ELFN1: variants seen among roughly 807,000 people sequenced by gnomAD.
ELFN1 encodes the protein extracellular leucine rich repeat and fibronectin type III domain containing 1.
Under a neutral mutation model 7.6 loss-of-function variants are expected in ELFN1, and 6 were observed. The observed-to-expected ratio is 0.79, with a 90% CI of 0.43 to 1.56. The LOEUF (loss-of-function observed/expected upper bound fraction) is 1.56, where lower values mean the gene tolerates loss of function less well. ELFN1 is among the 40% of genes most tolerant of loss of function. ELFN1 has a pLI of 0.01. For synonymous variants in ELFN1, 657 were observed against 588.1 expected (o/e 1.12, Z -1.70); for missense variants, 1,169 against 1,232.2 (o/e 0.95, Z 0.77).
chr7:1,684,004 G>C (rs549224525), intron 1 of ELFN1, among the ~76,000 whole-genome samples: 1 of 152,056 alleles, frequency 6.6e-6, no homozygotes, highest in Non-Finnish European at 1.5e-5. Context: ...TTTTAAATTA[G>C]CTGGGCATGG....
chr7:1,697,861 G>T (rs7780984), intron 2 of ELFN1, among the ~76,000 whole-genome samples: 25,859 of 152,084 alleles, frequency 0.17, 2,840 homozygotes, highest in African/African-American at 0.32. Context: ...CATGGCTCAC[G>T]GCAGCCTTGA....
chr7:1,686,878 A>C (rs901224651), intron 1 of ELFN1, among the ~76,000 whole-genome samples: 3 of 152,000 alleles, frequency 2.0e-5, no homozygotes, highest in African/African-American at 4.8e-5. Flanking sequence ...TCTCTGTCAG[A>C]TTCCCAGCTA....
intron 3 of ELFN1, among the ~76,000 whole-genome samples, chr7:1,710,322 C>T (rs554710894): frequency 6.6e-6 from 1 of 152,194 alleles, no homozygotes; most frequent in Non-Finnish European, 1.5e-5. Context: ...TTTTTCTGCT[C>T]GTGGTCAGAT....
chr7:1,721,604 A>T (rs998192097), intron 3 of ELFN1, among the ~76,000 whole-genome samples: 1 of 152,220 alleles, frequency 6.6e-6, no homozygotes, highest in Non-Finnish European at 1.5e-5. Flanking sequence ...CACCATTTGC[A>T]TGCAGGGCAT....
intron 2 of ELFN1, among the ~76,000 whole-genome samples, chr7:1,697,933 G>C (rs1779352617): frequency 6.6e-6 from 1 of 152,232 alleles, no homozygotes. Flanking sequence ...AGGAGAGACA[G>C]ACAGGGCAGT....
At chr7:1,681,171 A>G (rs1778968760) in intron 1 of ELFN1, among the ~76,000 whole-genome samples, 1 of 152,228 alleles carries the variant, frequency 6.6e-6, no homozygotes, top group South Asian at 2.1e-4. Flanking sequence ...AGACTGTGTC[A>G]GTAGTTGTTG....
At chr7:1,666,597 T>G (rs1019278917), upstream of ELFN1, among the ~76,000 whole-genome samples, 9 of 150,490 alleles carry the variant, frequency 6.0e-5, no homozygotes, top group African/African-American at 2.2e-4. The surrounding 1 kb of genome is among the most constrained non-coding windows in gnomAD (Gnocchi z 7.9). Flanking sequence ...CCCGAAACTT[T>G]CCGGAGCGCG....
intron 1 of ELFN1, among the ~76,000 whole-genome samples, chr7:1,686,896 G>C (rs2128578581): frequency 6.6e-6 from 1 of 152,022 alleles, no homozygotes; most frequent in East Asian, 1.9e-4. Flanking sequence ...CTAGTCTACT[G>C]GTGTATTGCT....
chr7:1,668,583 AGGAAGCTCTGGG>A (rs1270749951), upstream of ELFN1, among the ~76,000 whole-genome samples: 3 of 152,226 alleles, frequency 2.0e-5, no homozygotes. Context: ...AGCGTGACCA[AGGAAGCTCTGGG>A]GGCCGACCAG....
chr7:1,672,935 G>A (rs891428277), intron 1 of ELFN1, among the ~76,000 whole-genome samples: 16 of 152,126 alleles, frequency 1.1e-4, no homozygotes, highest in Non-Finnish European at 2.2e-4. Context: ...GTGGCGGGGC[G>A]GGGGGCAGGA....
chr7:1,690,290 G>A (rs1225940770), intron 2 of ELFN1, among the ~76,000 whole-genome samples: 2 of 151,354 alleles, frequency 1.3e-5, no homozygotes, highest in African/African-American at 2.4e-5. Flanking sequence ...TGGATAGGTG[G>A]ATGGGTGGAT....
rs147267695 is a variant in ELFN1 at position 1,695,786 on chromosome 7, G to T, written c.-456+7636G>T. Among the ~76,000 whole-genome samples, 635 of 149,532 alleles carry T rather than the reference G, an allele frequency of 4.2e-3. 9 individuals are homozygous for T. The highest frequency in any genetic ancestry group is 0.014 in the African/African-American group (589 of 40,706). ...AAAAAAAAAAAACCGTGCTGGTTTG[G>T]TTTCACTGACTCCCATTCATTTATT... On this transcript the variant is annotated intron_variant, in intron 2 of 3. Coordinates refer to ENST00000424383, the MANE Select transcript of ELFN1 (RefSeq NM_001128636.4). This position sits in a 1 kb window ranked among gnomAD's most constrained non-coding sequence, Gnocchi z 5.1.
intron 3 of ELFN1, among the ~76,000 whole-genome samples, chr7:1,711,580 G>T (rs1779654521): frequency 1.8e-4 from 3 of 17,136 alleles, no homozygotes; most frequent in Admixed American, 1.8e-3. Flanking sequence ...GAGAGTGAGA[G>T]AGAGAGAGAG....
chr7:1,701,664 C>T (rs1442031067), intron 2 of ELFN1, among the ~76,000 whole-genome samples: 1 of 151,974 alleles, frequency 6.6e-6, no homozygotes, highest in African/African-American at 2.4e-5. Flanking sequence ...TAATGGAGCA[C>T]AGATGTGCAT....
chr7:1,747,042 C>T lies in ELFN1; in HGVS notation c.2446C>T (p.Leu816=). The T allele has an allele frequency of 6.5e-7, 1 of 1,540,500 alleles. No homozygotes were observed. Among genetic ancestry groups the T allele is most frequent in the South Asian group, 1.2e-5 (1 of 81,870 alleles). ...CAAAGACGAGGATCTGCACGACATCCTGGACTACTGGAAGGGCGTGTCGGC... is the reference window on the plus strand; with the variant it reads ...CAAAGACGAGGATCTGCACGACATCTTGGACTACTGGAAGGGCGTGTCGGC... ...FAKDEDLHDI[L]DYWKGVSAQH... The change falls in exon 4 of 4, where the codon CTG becomes TTG. Residue 816 remains leucine, a synonymous_variant. Transcript: ENST00000424383.
At chr7:1,729,484 C>T (rs1415830529) in intron 3 of ELFN1, among the ~76,000 whole-genome samples, 4 of 152,228 alleles carry the variant, frequency 2.6e-5, no homozygotes, top group Non-Finnish European at 5.9e-5. Context: ...CCAGGCCTCA[C>T]AGCAGGGTGC....
Position 1,677,846 on chromosome 7 carries a change from G to A in ELFN1, c.-549+7492G>A, listed in dbSNP as rs940861118. On this transcript the variant is annotated intron_variant, in intron 1 of 3. Transcript: ENST00000424383. ...GATGCAGGGAGCGTGTGGAGCTCCC[G>A]CGGGTTCCTGGTGGGTCTGGGAGCG... 5.9e-5 allele frequency among the ~76,000 whole-genome samples: 9 copies of A among 151,972 alleles called. No homozygotes were observed. The East Asian group carries it at 7.7e-4, about 13-fold the overall frequency.
intron 3 of ELFN1, among the ~76,000 whole-genome samples, chr7:1,712,732 T>C (rs904000854): frequency 4.6e-5 from 7 of 152,216 alleles, no homozygotes; most frequent in Admixed American, 4.6e-4. Context: ...ACACCCAGGC[T>C]TTCTTTCCTT....
In ELFN1 at chr7:1,739,449, G is replaced by A. The variant is rs1166702591; in HGVS notation, c.-293-4855G>A. On this transcript the variant is annotated intron_variant, in intron 3 of 3. Transcript: ENST00000424383. This position sits in a 1 kb window ranked among gnomAD's most constrained non-coding sequence, Gnocchi z 4.6. ...GAGGCAGGGAGATGCCAGCGGGGAC[G>A]GGAACTTGGAGCAGCCACTTAGACG... is the stretch of plus-strand genomic sequence containing the variant. 2 of 152,616 alleles carry A rather than the reference G, an allele frequency of 1.3e-5. No homozygotes were observed. Among genetic ancestry groups the A allele is most frequent in the Non-Finnish European group, 2.9e-5 (2 of 68,380 alleles). The allele number at this position is 152,616 out of a possible 1,614,324, so 9.5% of individuals were successfully genotyped here.
Sources: allele counts gnomAD v4.1 joint callset (sites outside exome capture counted in the v4.1 genomes callset), GRCh38; gene constraint gnomAD v4.1.1; non-coding constraint Gnocchi (gnomAD v3.1); transcripts MANE v1.5; gene names NCBI Gene and HGNC (gene_info 2026-07-23, HGNC 2026-07-21).